The following KCNQ5 variants were observed in gnomAD, a reference collection of about 807,000 sequenced individuals.
KCNQ5 encodes potassium voltage-gated channel subfamily KQT member 5.
KCNQ5 carries 30 observed loss-of-function variants against 98.2 expected under a neutral mutation model. The observed-to-expected ratio is 0.31, with a 90% CI of 0.23 to 0.41. The LOEUF (loss-of-function observed/expected upper bound fraction) is 0.41, where lower values mean the gene tolerates loss of function less well. Among genes scored for constraint, KCNQ5 ranks in the 10% least tolerant of loss-of-function variants. KCNQ5 has a pLI of 1.00. For missense variants in KCNQ5, 835 were observed against 1,182.5 expected, an observed-to-expected ratio of 0.71 and a Z score of 4.31; for synonymous variants, 458 against 449.4, an observed-to-expected ratio of 1.02 and a Z score of -0.24.
chr6:72,936,349 C>G (rs755850637), intron 1 of KCNQ5, among the ~76,000 whole-genome samples: 21 of 152,184 alleles, frequency 1.4e-4, no homozygotes, highest in Non-Finnish European at 2.4e-4. Flanking sequence ...AGAATGAAAG[C>G]TCTGTGGGGG....
At chr6:72,957,283 G>C (rs1361475163) in intron 1 of KCNQ5, among the ~76,000 whole-genome samples, 1 of 149,482 alleles carries the variant, frequency 6.7e-6, no homozygotes, top group African/African-American at 2.5e-5. Flanking sequence ...CAATTATCCA[G>C]CCTCAGCCTC....
chr6:73,102,097 A>G (rs917857817), intron 5 of KCNQ5, among the ~76,000 whole-genome samples: 6 of 152,222 alleles, frequency 3.9e-5, no homozygotes, highest in African/African-American at 1.2e-4. Context: ...AAATCCGTAC[A>G]TCCACAGTGA....
intron 1 of KCNQ5, among the ~76,000 whole-genome samples, chr6:72,831,444 C>G (rs187955882): frequency 2.0e-4 from 30 of 152,172 alleles, no homozygotes; most frequent in Admixed American, 8.5e-4. Context: ...CTGGATGAAG[C>G]TGGAAACCAT....
At chr6:72,683,211 C>T (rs773200229) in intron 1 of KCNQ5, among the ~76,000 whole-genome samples, 3 of 152,024 alleles carry the variant, frequency 2.0e-5, no homozygotes, top group Non-Finnish European at 2.9e-5. Context: ...CAAAGCCAAG[C>T]CTTTGCTGTC....
At chr6:72,745,948 C>G (rs1015377915) in intron 1 of KCNQ5, among the ~76,000 whole-genome samples, 1 of 151,878 alleles carries the variant, frequency 6.6e-6, no homozygotes, top group Non-Finnish European at 1.5e-5. Context: ...CTCTGTCTCC[C>G]CTGTATCTCT....
chr6:73,026,613 C>T (rs1207050649), intron 2 of KCNQ5, among the ~76,000 whole-genome samples: 1 of 152,122 alleles, frequency 6.6e-6, no homozygotes, highest in Non-Finnish European at 1.5e-5. Context: ...ATATTATCTG[C>T]TTGCTTCCAC....
chr6:72,829,688 G>C (rs1191418143), intron 1 of KCNQ5, among the ~76,000 whole-genome samples: 1 of 152,188 alleles, frequency 6.6e-6, no homozygotes, highest in East Asian at 1.9e-4. Context: ...GAGGTTCTAG[G>C]AGAAGGAATG....
intron 1 of KCNQ5, among the ~76,000 whole-genome samples, chr6:72,835,164 T>C (rs1776446618): frequency 6.6e-6 from 1 of 152,084 alleles, no homozygotes; most frequent in African/African-American, 2.4e-5. Flanking sequence ...TAATGGTTTC[T>C]TTCCTCCCCA....
At chr6:72,698,431 AACCTCAGATGATCC>A (rs1768616146) in intron 1 of KCNQ5, among the ~76,000 whole-genome samples, 1 of 151,896 alleles carries the variant, frequency 6.6e-6, no homozygotes, top group Admixed American at 6.6e-5. Context: ...TCGAACTCCC[AACCTCAGATGATCC>A]ACCTGCTTCG....
intron 9 of KCNQ5, among the ~76,000 whole-genome samples, chr6:73,124,936 GATATATATATAT>G (rs1180218889): frequency 2.8e-4 from 21 of 76,276 alleles, no homozygotes; most frequent in African/African-American, 4.9e-4. Context: ...CTTTTGGAGT[GATATATATATAT>G]ATATATATAT....
intron 1 of KCNQ5, among the ~76,000 whole-genome samples, chr6:72,922,714 C>T (rs1312959209): frequency 2.6e-5 from 4 of 151,890 alleles, no homozygotes; most frequent in Non-Finnish European, 5.9e-5. Flanking sequence ...CAGTTTCATC[C>T]ATGTTTTGGC....
intron 1 of KCNQ5, among the ~76,000 whole-genome samples, chr6:72,901,731 G>A (rs1342704356): frequency 1.3e-5 from 2 of 152,170 alleles, no homozygotes; most frequent in African/African-American, 2.4e-5. Context: ...CCGGTACCAT[G>A]CTGTCTTGGT....
At chr6:72,981,017 G>A (rs1347729822) in intron 1 of KCNQ5, among the ~76,000 whole-genome samples, 31 of 152,004 alleles carry the variant, frequency 2.0e-4, no homozygotes, top group Admixed American at 1.8e-3. Flanking sequence ...AGCCAACTTG[G>A]TCTTGGTGGA....
Position 72,783,811 on chromosome 6 carries a change from G to A in KCNQ5, c.398+161224G>A, listed in dbSNP as rs9351943. Among the ~76,000 whole-genome samples, 104 of 152,252 alleles carry A rather than the reference G, an allele frequency of 6.8e-4. 2 individuals carry two copies. The East Asian group carries it at 0.015, about 22-fold the overall frequency. On this transcript the variant is annotated intron_variant, in intron 1 of 13. Transcript: ENST00000370398. ...AATATGTCTCTGTGCTGTAGTCTGG[G>A]CATCTTTTCAACTTTCCTTTGTTGA...
intron 1 of KCNQ5, among the ~76,000 whole-genome samples, chr6:72,856,716 A>T (rs1384450008): frequency 6.6e-6 from 1 of 152,216 alleles, no homozygotes; most frequent in African/African-American, 2.4e-5. Flanking sequence ...AAAATTATCT[A>T]ATGACAAAGA....
intron 1 of KCNQ5, among the ~76,000 whole-genome samples, chr6:72,918,914 G>C (rs1414786172): frequency 6.6e-6 from 1 of 152,134 alleles, no homozygotes; most frequent in Non-Finnish European, 1.5e-5. Context: ...GAAAATTTCA[G>C]GAGCTGAAGT....
At chr6:72,886,197 C>A (rs1178183053) in intron 1 of KCNQ5, among the ~76,000 whole-genome samples, 1 of 152,118 alleles carries the variant, frequency 6.6e-6, no homozygotes, top group Non-Finnish European at 1.5e-5. Flanking sequence ...CAAGTAAAAT[C>A]TTCAATGAAT....
chr6:72,650,952 A>G (rs1174687608), intron 1 of KCNQ5, among the ~76,000 whole-genome samples: 3 of 152,030 alleles, frequency 2.0e-5, no homozygotes. Flanking sequence ...TAAGGTTGCA[A>G]AGGGTCAGCC....
At chr6:73,011,047 C>G (rs996120184) in intron 2 of KCNQ5, among the ~76,000 whole-genome samples, 5 of 151,940 alleles carry the variant, frequency 3.3e-5, no homozygotes, top group Non-Finnish European at 5.9e-5. Context: ...TAAAGGACCC[C>G]CAAATTGCCC....
Sources: gnomAD v4.1 joint callset for allele counts (sites outside exome capture counted in the v4.1 genomes callset) on GRCh38, gnomAD v4.1.1 for gene constraint, MANE v1.5 for transcripts, NCBI Gene and HGNC (gene_info 2026-07-23, HGNC 2026-07-21) for gene names.